The following TRPM4 variants were observed in gnomAD, a reference collection of about 807,000 sequenced individuals.
TRPM4 encodes the protein calcium-activated non-selective cation channel 1.
A neutral mutation model predicts 135.6 loss-of-function variants in TRPM4; 124 were observed. The ratio of observed to expected loss-of-function variants is 0.91; its 90% CI spans 0.79 to 1.06. The LOEUF is 1.06. Ranked by LOEUF, TRPM4 falls within the 50% of genes least tolerant of loss-of-function variation. The pLI, the probability that TRPM4 is intolerant of heterozygous loss-of-function variation, is 0.00. For synonymous variants in TRPM4, 745 were observed against 705.6 expected (o/e 1.06, Z -0.88); for missense variants, 1,658 against 1,671.4 (o/e 0.99, Z 0.14).
chr19:49,186,076 T>C (rs1968186903), intron 12 of TRPM4, among the ~76,000 whole-genome samples: 1 of 152,176 alleles, frequency 6.6e-6, no homozygotes, highest in African/African-American at 2.4e-5. Flanking sequence ...CTAAACCTTT[T>C]TTGGAAAGTC....
intron 9 of TRPM4, among the ~76,000 whole-genome samples, chr19:49,178,439 G>A (rs1452575075): frequency 2.6e-5 from 4 of 152,092 alleles, no homozygotes; most frequent in Non-Finnish European, 5.9e-5. Context: ...GGGGCCAGGA[G>A]GACAGTCGGG....
chr19:49,167,998 C>A lies in TRPM4; in HGVS notation c.349C>A (p.Leu117Met), dbSNP rs1294828748. The A allele has an allele frequency of 1.9e-6, 3 of 1,613,808 alleles. No individual in the cohort carries two copies. In the African/African-American group the frequency reaches 4.0e-5, roughly 22 times the overall value. Residue 117 changes from leucine (L) to methionine (M), a missense_variant, in exon 4 of 25, where the codon CTG becomes ATG. Physicochemically the swap from Leu to Met is conservative, Grantham distance 15. This residue lies in a region of TRPM4 where 239 missense variants were observed against 240.1 expected (regional missense o/e 1.00). Coordinates refer to ENST00000252826, the MANE Select transcript of TRPM4 (RefSeq NM_017636.4). ...CACATGGGGCTTCCGTGCCCCGAAC[C>A]TGGTGGTGTCAGTGCTGGGGGGATC... ...TRTWGFRAPN[L>M]VVSVLGGSGG...
intron 16 of TRPM4, among the ~76,000 whole-genome samples, chr19:49,195,900 C>T (rs1968615499): frequency 6.9e-6 from 1 of 145,800 alleles, no homozygotes; most frequent in Admixed American, 6.7e-5. Flanking sequence ...ATTTTTGAGA[C>T]AGAGTCTCAC....
At position 49,203,253 on chromosome 19, in the gene TRPM4, T is replaced by C. The variant is rs557085822; in HGVS notation, c.3131+1112T>C. Among the ~76,000 whole-genome samples, 748 of 151,320 alleles carry C rather than the reference T, an allele frequency of 4.9e-3. 1 individual carries two copies. Among genetic ancestry groups the C allele is most frequent in the Middle Eastern group, 6.9e-3 (2 of 290 alleles). ...GGAGTGCAATGGTGCAATCTCAGCT[T>C]ACTGCAACCTCCACCTCCCAGGTTC... On this transcript the variant is annotated intron_variant, in intron 20 of 24. Coordinates refer to ENST00000252826, the MANE Select transcript of TRPM4 (RefSeq NM_017636.4).
intron 2 of TRPM4, chr19:49,158,614 TCATTCATC>T (rs1431329728): frequency 3.6e-6 from 1 of 276,974 alleles, no homozygotes; most frequent in African/African-American, 2.2e-5. Context: ...ATTCATTCAT[TCATTCATC>T]CATCCATGCA....
Position 49,188,861 on chromosome 19 carries a change from T to C in TRPM4, c.1874-85T>C, listed in dbSNP as rs955187778. On this transcript the variant is annotated intron_variant, in intron 13 of 24. Coordinates refer to ENST00000252826, the MANE Select transcript of TRPM4 (RefSeq NM_017636.4). ...GCACTCCTCACATATCCCTGCGCCA[T>C]CCCCTTAAATTCCCTTACCTCTCCC... The C allele has an allele frequency of 3.7e-6, 6 of 1,612,602 alleles. No homozygotes were observed. The African/African-American group carries it at 8.0e-5, about 22-fold the overall frequency.
At chr19:49,165,027 G>A (rs1967120177) in intron 2 of TRPM4, among the ~76,000 whole-genome samples, 1 of 152,084 alleles carries the variant, frequency 6.6e-6, no homozygotes. Flanking sequence ...ACAGGCATGA[G>A]CCATCATACC....
At chr19:49,176,833 A>G (rs533411828) in intron 9 of TRPM4, among the ~76,000 whole-genome samples, 1 of 152,194 alleles carries the variant, frequency 6.6e-6, no homozygotes, top group Non-Finnish European at 1.5e-5. Flanking sequence ...CCTGGGCGAC[A>G]GAGCGAGACT....
intron 20 of TRPM4, among the ~76,000 whole-genome samples, chr19:49,203,127 G>A (rs1375800840): frequency 4.6e-5 from 7 of 151,616 alleles, no homozygotes; most frequent in Admixed American, 2.0e-4. Context: ...TCCTGACCTC[G>A]TGATCCACCC....
Position 49,196,518 on chromosome 19 carries a change from C to T in TRPM4, c.2289C>T (p.Cys763=). The T allele has an allele frequency of 1.3e-6, 2 of 1,550,586 alleles. No individual in the cohort carries two copies. Among genetic ancestry groups the T allele is most frequent in the African/African-American group, 1.4e-5 (1 of 71,160 alleles). The part of the protein sequence containing the change: ...SGRPGCCGGR[C]GGRRCLRRWF... ...GTCCGGGTTGCTGCGGGGGCCGCTGCGGGGGGCGCCGGTGCCTACGCCGCT... is the reference window on the plus strand; with the variant it reads ...GTCCGGGTTGCTGCGGGGGCCGCTGTGGGGGGCGCCGGTGCCTACGCCGCT... Residue 763 remains cysteine (C), a synonymous_variant, in exon 17 of 25, where the codon TGC becomes TGT. Transcript: ENST00000252826.
chr19:49,189,157 G>C, intron 14 of TRPM4, 66 bp downstream of exon 14: 12 of 1,601,632 alleles, frequency 7.5e-6, no homozygotes, highest in Admixed American at 3.4e-5. Flanking sequence ...ATGGGGATGA[G>C]CCCCTGCCAT....
In TRPM4 at chr19:49,168,662, GC is replaced by G. The variant is rs780405785; in HGVS notation, c.723del (p.Cys242AlafsTer36). On this transcript the variant is annotated frameshift_variant, in exon 6 of 25. Coordinates refer to ENST00000252826, the MANE Select transcript of TRPM4 (RefSeq NM_017636.4). LOFTEE classifies it high-confidence loss of function. ...TTCCTGGTGGACGACGGCACACACG[GC>G]TGCCTGGGGGGCGAGAACCGCTTCC... Reference protein sequence around the residue: ...AFFLVDDGTHGCLGGENRFRL... With the variant: ...AFFLVDDGTHXCLGGENRFRL... 3.1e-6 allele frequency: 5 copies of G among 1,613,104 alleles called. No homozygotes were observed. In the South Asian group the frequency reaches 5.5e-5, roughly 18 times the overall value.
chr19:49,196,458 G>A lies in TRPM4; in HGVS notation c.2229G>A (p.Glu743=), dbSNP rs745667706. 1.9e-6 allele frequency: 3 copies of A among 1,548,064 alleles called. No homozygotes were observed. The highest frequency in any genetic ancestry group is 1.4e-5 in the African/African-American group (1 of 73,370). The change falls in exon 17 of 25, where the codon GAG becomes GAA. Residue 743 remains glutamate, a synonymous_variant. Transcript: ENST00000252826. ...EGPVGTADPA[E]KTPLGVPRQS... ...CCCACAGGACGGCGGACCCAGCCGAGAAGACGCCGCTGGGGGTCCCGCGCC... is the reference window on the plus strand; with the variant it reads ...CCCACAGGACGGCGGACCCAGCCGAAAAGACGCCGCTGGGGGTCCCGCGCC...
At position 49,167,832 on chromosome 19, in the gene TRPM4, C is replaced by G; in HGVS notation, c.268-85C>G. On this transcript the variant is annotated intron_variant, in intron 3 of 24. Transcript: ENST00000252826. The stretch of plus-strand genomic sequence containing the variant: ...TCTCTGTCCCCGTCTCTCTGGGTCT[C>G]TGTCCCCGTCTCTCTGGGTCTCTGT... The G allele has an allele frequency of 1.7e-5, 11 of 666,252 alleles. 2 individuals carry two copies. The highest frequency in any genetic ancestry group is 6.2e-5 in the South Asian group (2 of 32,140). The allele number at this position is 666,252 out of a possible 1,614,324, so 41.3% of individuals were successfully genotyped here.
intron 9 of TRPM4, among the ~76,000 whole-genome samples, chr19:49,175,067 C>CTTTTTTTTTTTTTTTTTTTTTTTTTTTTT (rs772062913): frequency 6.4e-5 from 5 of 77,584 alleles, no homozygotes; most frequent in Non-Finnish European, 8.7e-5. Context: ...TCATGCCTGG[C>CTTTTTTTTTTTTTTTTTTTTTTTTTTTTT]TTTTTTTTTT....
chr19:49,185,279 C>T (rs188527089), intron 12 of TRPM4, among the ~76,000 whole-genome samples: 23 of 152,172 alleles, frequency 1.5e-4, no homozygotes, highest in African/African-American at 5.3e-4. Context: ...GACAGAGTCT[C>T]ATTCTGTCAC....
In TRPM4 at chr19:49,157,830, G is replaced by A. The variant is rs1309052721; in HGVS notation, c.-37G>A. On this transcript the variant is annotated 5_prime_UTR_variant, in exon 1 of 25. Coordinates refer to ENST00000252826, the MANE Select transcript of TRPM4 (RefSeq NM_017636.4). Reference sequence around the variant, plus strand: ...CAGAGCCGGCGGAGGGAGCGCCGGGGCCCTGGGCTGCAGGAGGTTGCGGCG... The same window carrying A: ...CAGAGCCGGCGGAGGGAGCGCCGGGACCCTGGGCTGCAGGAGGTTGCGGCG... 2 of 1,534,070 alleles carry A rather than the reference G, an allele frequency of 1.3e-6. No homozygotes were observed. The highest frequency in any genetic ancestry group is 1.2e-5 in the South Asian group (1 of 83,906).
chr19:49,194,098 G>A (rs1173540539), intron 16 of TRPM4, among the ~76,000 whole-genome samples: 4 of 50,104 alleles, frequency 8.0e-5, no homozygotes, highest in East Asian at 5.3e-4. Flanking sequence ...CTGCTCCTCC[G>A]CCTTCTCCTC....
intron 17 of TRPM4, among the ~76,000 whole-genome samples, chr19:49,199,314 A>G (rs535670164): frequency 2.0e-5 from 3 of 151,946 alleles, no homozygotes; most frequent in Admixed American, 1.3e-4. Context: ...GCTGGAGTGC[A>G]GTGGCGCGAT....
Sources: allele counts gnomAD v4.1 joint callset (sites outside exome capture counted in the v4.1 genomes callset), GRCh38; gene constraint gnomAD v4.1.1; regional missense constraint gnomAD v4.1.1; transcripts MANE v1.5; gene names NCBI Gene and HGNC (gene_info 2026-07-23, HGNC 2026-07-21).